The following SMAD2 variants were observed in gnomAD, a reference collection of about 807,000 sequenced individuals.
The protein encoded by SMAD2 is MAD homolog 2.
In SMAD2, 8 loss-of-function variants were observed where a neutral mutation model predicts 64.4. The observed-to-expected ratio is 0.12, with a 90% CI of 0.07 to 0.22. The LOEUF is 0.22. Ranked by LOEUF, SMAD2 falls within the 10% of genes least tolerant of loss-of-function variation. The pLI is 1.00. For synonymous variants in SMAD2, 203 were observed against 195.8 expected (o/e 1.04, Z -0.31); for missense variants, 289 against 561.2 (o/e 0.51, Z 4.90).
At chr18:47,927,420 T>C (rs1021788919) in intron 1 of SMAD2, among the ~76,000 whole-genome samples, 2 of 152,188 alleles carry the variant, frequency 1.3e-5, no homozygotes, top group South Asian at 4.1e-4. Flanking sequence ...CCTTGATTTG[T>C]ACACTAACAA....
At chr18:47,865,985 A>C (rs2031523955) in intron 5 of SMAD2, among the ~76,000 whole-genome samples, 1 of 152,190 alleles carries the variant, frequency 6.6e-6, no homozygotes, top group African/African-American at 2.4e-5. Context: ...GAGCGATTCA[A>C]GATAACAAAG....
Position 47,820,453 on chromosome 18 carries a change from T to C in SMAD2, c.*21374A>G, listed in dbSNP as rs1912529034. 6.6e-6 allele frequency: 1 copy of C among 152,152 alleles called. No homozygotes were observed. Among genetic ancestry groups the C allele is most frequent in the Admixed American group, 6.5e-5 (1 of 15,278 alleles). 9.4% of individuals were successfully genotyped at this position (152,152 alleles called of 1,614,324 possible). A position where few individuals can be genotyped will look rare whatever the true frequency, so the allele number is the denominator to read the frequency against. The stretch of plus-strand genomic sequence containing the variant: ...AAAGTTGTTTAAATTCAGAGTTTAT[T>C]AGAGGTTGTTTCAAATATGGAAACA... On this transcript the variant is annotated 3_prime_UTR_variant, in exon 11 of 11. Transcript: ENST00000262160.
At chr18:47,881,672 AAC>A (rs1454672225) in intron 2 of SMAD2, among the ~76,000 whole-genome samples, 2 of 152,200 alleles carry the variant, frequency 1.3e-5, no homozygotes, top group Admixed American at 1.3e-4. Context: ...CTTGAGGGAA[AAC>A]ACAGTATTTC....
chr18:47,809,953 C>CT lies in SMAD2; in HGVS notation c.*31873dup, dbSNP rs1912148526. 1 of 152,212 alleles carries CT rather than the reference C, an allele frequency of 6.6e-6. No homozygotes were observed. The highest frequency in any genetic ancestry group is 2.4e-5 in the African/African-American group (1 of 41,448). 9.4% of individuals were successfully genotyped at this position (152,212 alleles called of 1,614,324 possible). On this transcript the variant is annotated 3_prime_UTR_variant, in exon 11 of 11. Coordinates refer to ENST00000262160, the MANE Select transcript of SMAD2 (RefSeq NM_005901.6). Reference sequence around the variant, plus strand: ...CAGTATCATTTAAATGCACAATAGACTTCTAGCCCATTTGCCAAAAGCCAT... The same window carrying CT: ...CAGTATCATTTAAATGCACAATAGACTTTCTAGCCCATTTGCCAAAAGCCAT...
intron 1 of SMAD2, among the ~76,000 whole-genome samples, chr18:47,907,884 G>A (rs1406585034): frequency 2.6e-5 from 4 of 152,204 alleles, no homozygotes; most frequent in Admixed American, 6.5e-5. Flanking sequence ...GCAGTGAGCC[G>A]AGATCGTGCC....
In SMAD2 at chr18:47,838,410, C is replaced by G; in HGVS notation, c.*3417G>C. 8.6e-6 allele frequency: 2 copies of G among 233,332 alleles called. No individual in the cohort carries two copies. Among genetic ancestry groups the G allele is most frequent in the Non-Finnish European group, 8.5e-6 (1 of 118,046 alleles). The allele number at this position is 233,332 out of a possible 1,614,324, so 14.5% of individuals were successfully genotyped here. A position where few individuals can be genotyped will look rare whatever the true frequency, so the allele number is the denominator to read the frequency against. ...ACAACCTCTACAAGACCAAGCACAG[C>G]TCAAGGGTCAGGGCCCCGTCCTAGT... On this transcript the variant is annotated 3_prime_UTR_variant, in exon 11 of 11. Transcript: ENST00000262160.
chr18:47,891,369 G>T (rs1430485613), intron 2 of SMAD2, among the ~76,000 whole-genome samples: 1 of 152,182 alleles, frequency 6.6e-6, no homozygotes, highest in Non-Finnish European at 1.5e-5. Flanking sequence ...CATCCTGGAA[G>T]GACACATGAG....
chr18:47,872,810 A>G (rs946463834), intron 2 of SMAD2, among the ~76,000 whole-genome samples: 4 of 152,182 alleles, frequency 2.6e-5, no homozygotes, highest in Non-Finnish European at 5.9e-5. Context: ...CGGTCAGTGG[A>G]AAACTTGCCT....
At position 47,831,817 on chromosome 18, in the gene SMAD2, A is replaced by G. The variant is rs959563510; in HGVS notation, c.*10010T>C. 6.6e-6 allele frequency: 1 copy of G among 152,246 alleles called. No individual in the cohort carries two copies. Among genetic ancestry groups the G allele is most frequent in the African/African-American group, 2.4e-5 (1 of 41,466 alleles). 9.4% of individuals were successfully genotyped at this position (152,246 alleles called of 1,614,324 possible). On this transcript the variant is annotated 3_prime_UTR_variant, in exon 11 of 11. Transcript: ENST00000262160. ...TTAAACCAATTCTACAAATATTTCC[A>G]TACCTATTTATTGCAGCAAAAGATA... is the stretch of plus-strand genomic sequence containing the variant.
intron 10 of SMAD2, among the ~76,000 whole-genome samples, chr18:47,842,538 C>T (rs768292976): frequency 6.6e-6 from 1 of 151,732 alleles, no homozygotes; most frequent in African/African-American, 2.4e-5. Flanking sequence ...GACTCTGTCT[C>T]GGGGTGGGGG....
rs1912925872 is a variant in SMAD2 at position 47,830,018 on chromosome 18, T to C, written c.*11809A>G. Reference sequence around the variant, plus strand: ...TTCAAAGCATAGCAAGAATCCACAGTGGTTTGCAGGCCACTAATTCTTTTA... The same window carrying C: ...TTCAAAGCATAGCAAGAATCCACAGCGGTTTGCAGGCCACTAATTCTTTTA... On this transcript the variant is annotated 3_prime_UTR_variant, in exon 11 of 11. Transcript: ENST00000262160. The C allele has an allele frequency of 6.6e-6, 1 of 152,204 alleles. No individual in the cohort carries two copies. The highest frequency in any genetic ancestry group is 2.4e-5 in the African/African-American group (1 of 41,454). The allele number at this position is 152,204 out of a possible 1,614,324, so 9.4% of individuals were successfully genotyped here.
chr18:47,908,524 C>G (rs541760629), intron 1 of SMAD2, among the ~76,000 whole-genome samples: 1 of 152,142 alleles, frequency 6.6e-6, no homozygotes, highest in African/African-American at 2.4e-5. Context: ...GTAGATACTA[C>G]TCTATCATTT....
chr18:47,896,907 A>G, intron 1 of SMAD2, 98 bp from the exon 2 acceptor site: 2 of 1,144,156 alleles, frequency 1.7e-6, no homozygotes, highest in Non-Finnish European at 2.5e-6. Context: ...CAAGATAGAA[A>G]TTCGAATTAT....
At chr18:47,867,553 A>G (rs1335404008) in intron 5 of SMAD2, among the ~76,000 whole-genome samples, 1 of 151,818 alleles carries the variant, frequency 6.6e-6, no homozygotes, top group Admixed American at 6.6e-5. Context: ...GAGACACTAC[A>G]GCTTAATCCT....
At chr18:47,905,653 C>A (rs2033872863) in intron 1 of SMAD2, among the ~76,000 whole-genome samples, 2 of 152,160 alleles carry the variant, frequency 1.3e-5, no homozygotes. Flanking sequence ...TCCAGTAAGG[C>A]CCAAGGTCAA....
chr18:47,914,378 G>A (rs898003840), intron 1 of SMAD2, among the ~76,000 whole-genome samples: 4 of 152,126 alleles, frequency 2.6e-5, no homozygotes, highest in Non-Finnish European at 5.9e-5. Context: ...AAGCCTAAGA[G>A]TCCAGTAAGC....
chr18:47,830,026 A>G lies in SMAD2; in HGVS notation c.*11801T>C, dbSNP rs952952156. On this transcript the variant is annotated 3_prime_UTR_variant, in exon 11 of 11. Transcript: ENST00000262160. ...ATAGCAAGAATCCACAGTGGTTTGC[A>G]GGCCACTAATTCTTTTACAGATGAA... 1 of 152,226 alleles carries G rather than the reference A, an allele frequency of 6.6e-6. No homozygotes were observed. The highest frequency in any genetic ancestry group is 1.5e-5 in the Non-Finnish European group (1 of 68,036). 9.4% of individuals were successfully genotyped at this position (152,226 alleles called of 1,614,324 possible).
At chr18:47,912,588 A>C (rs1185663948) in intron 1 of SMAD2, 1 of 152,254 alleles carries the variant, frequency 6.6e-6, no homozygotes, top group Admixed American at 6.5e-5. Flanking sequence ...AGGCAGAGAC[A>C]ACTGGTGTCT....
rs995637007 is a variant in SMAD2 at position 47,835,281 on chromosome 18, C to G, written c.*6546G>C. On this transcript the variant is annotated 3_prime_UTR_variant, in exon 11 of 11. Transcript: ENST00000262160. ...AAACAGTTGGGTTTTTAAAAAAATTCAAAACTCATGCATGTTACCTACTTG... is the reference window on the plus strand; with the variant it reads ...AAACAGTTGGGTTTTTAAAAAAATTGAAAACTCATGCATGTTACCTACTTG... 4.2e-5 allele frequency: 9 copies of G among 211,860 alleles called. No individual in the cohort carries two copies. Among genetic ancestry groups the G allele is most frequent in the African/African-American group, 2.0e-4 (9 of 44,112 alleles). 13.1% of individuals were successfully genotyped at this position (211,860 alleles called of 1,614,324 possible).
Sources: allele counts gnomAD v4.1 joint callset (sites outside exome capture counted in the v4.1 genomes callset), GRCh38; gene constraint gnomAD v4.1.1; transcripts MANE v1.5; gene names NCBI Gene and HGNC (gene_info 2026-07-23, HGNC 2026-07-21).